Variants in SIPA1L1 observed in about 807,000 individuals in gnomAD.
SIPA1L1 encodes signal induced proliferation associated 1 like 1, also known as signal-induced proliferation-associated 1-like protein 1.
A neutral mutation model predicts 162.7 loss-of-function variants in SIPA1L1; 26 were observed. The ratio of observed to expected loss-of-function variants is 0.16; its 90% confidence interval spans 0.12 to 0.22. SIPA1L1 has a LOEUF of 0.22. SIPA1L1 is among the 10% of genes least tolerant of loss of function. SIPA1L1 has a pLI of 1.00. For synonymous variants in SIPA1L1, 829 were observed against 837.4 expected, an observed-to-expected ratio of 0.99 and a Z score of 0.17; for missense variants, 1,874 against 2,241.0, an observed-to-expected ratio of 0.84 and a Z score of 3.31.
At chr14:71,330,054 G>T (rs1431565786) in intron 2 of SIPA1L1, among the ~76,000 whole-genome samples, 1 of 152,104 alleles carries the variant, frequency 6.6e-6, no homozygotes, top group Non-Finnish European at 1.5e-5. Context: ...AGGTGGAAAG[G>T]ACTAGTACAT....
chr14:71,638,252 A>G (rs2041361356), intron 7 of SIPA1L1, among the ~76,000 whole-genome samples: 1 of 152,104 alleles, frequency 6.6e-6, no homozygotes, highest in African/African-American at 2.4e-5. Context: ...AAAGAAAACT[A>G]CTGACCACAT....
chr14:71,592,113 A>G (rs1320673118), intron 5 of SIPA1L1, among the ~76,000 whole-genome samples: 2 of 152,188 alleles, frequency 1.3e-5, no homozygotes, highest in East Asian at 3.8e-4. Context: ...GCCATTGGGT[A>G]TTTGTCAGCA....
At chr14:71,618,586 G>A (rs1332766402) in intron 5 of SIPA1L1, among the ~76,000 whole-genome samples, 171 bp from the exon 6 acceptor site, 1 of 152,212 alleles carries the variant, frequency 6.6e-6, no homozygotes. Context: ...AACTAAACCT[G>A]TGTAGCCAAG....
chr14:71,444,297 C>T (rs997122554), intron 2 of SIPA1L1, among the ~76,000 whole-genome samples: 3 of 152,180 alleles, frequency 2.0e-5, no homozygotes, highest in Non-Finnish European at 4.4e-5. Context: ...TCTCTGTGAA[C>T]ACAAAGAATG....
chr14:71,489,273 G>A (rs2049032072), intron 2 of SIPA1L1, among the ~76,000 whole-genome samples: 1 of 152,198 alleles, frequency 6.6e-6, no homozygotes. Flanking sequence ...TTTAGACTCT[G>A]AAAGGCAGTA....
At chr14:71,561,310 G>A (rs1241690779) in intron 4 of SIPA1L1, among the ~76,000 whole-genome samples, 1 of 152,068 alleles carries the variant, frequency 6.6e-6, no homozygotes, top group Non-Finnish European at 1.5e-5. Flanking sequence ...CATTAGCAAT[G>A]CTATAATTCC....
intron 7 of SIPA1L1, among the ~76,000 whole-genome samples, chr14:71,649,830 G>T (rs2042473758): frequency 1.3e-5 from 2 of 152,056 alleles, no homozygotes; most frequent in South Asian, 2.1e-4. Flanking sequence ...TGGGAAAAGG[G>T]TATTGGGAGA....
intron 7 of SIPA1L1, among the ~76,000 whole-genome samples, chr14:71,644,965 A>T (rs886093565): frequency 3.3e-5 from 5 of 152,238 alleles, no homozygotes; most frequent in African/African-American, 4.8e-5. Context: ...AAAACAACAT[A>T]GATTTGTTAT....
intron 13 of SIPA1L1, among the ~76,000 whole-genome samples, chr14:71,694,283 C>T (rs547575437): frequency 5.3e-5 from 8 of 152,034 alleles, no homozygotes; most frequent in South Asian, 4.1e-4. Context: ...GCCTGGTGTG[C>T]GACTGCTTCT....
chr14:71,571,193 C>T (rs1032329946), intron 4 of SIPA1L1, among the ~76,000 whole-genome samples: 6 of 151,976 alleles, frequency 3.9e-5, no homozygotes, highest in East Asian at 3.9e-4. Context: ...GGTTGGAAAA[C>T]GATGTTTTAA....
intron 2 of SIPA1L1, chr14:71,497,763 A>G (rs2049904195): frequency 6.6e-6 from 1 of 152,182 alleles, no homozygotes; most frequent in Non-Finnish European, 1.5e-5. Flanking sequence ...AGGACACTTG[A>G]GTTGTTGCCA....
intron 17 of SIPA1L1, among the ~76,000 whole-genome samples, chr14:71,719,239 A>G (rs1198777214): frequency 3.9e-5 from 6 of 152,282 alleles, no homozygotes; most frequent in African/African-American, 1.4e-4. Context: ...GCACCCAGCC[A>G]ATATTAAGAA....
chr14:71,661,610 G>T, intron 10 of SIPA1L1, 143 bp downstream of exon 10: 1 of 816,206 alleles, frequency 1.2e-6, no homozygotes, highest in African/African-American at 1.7e-5. Flanking sequence ...GCGGATGGCT[G>T]AATTCACATG....
intron 2 of SIPA1L1, among the ~76,000 whole-genome samples, chr14:71,371,083 C>T (rs1566941532): frequency 2.0e-5 from 3 of 152,076 alleles, no homozygotes; most frequent in Non-Finnish European, 2.9e-5. Context: ...TATTAAATAA[C>T]AGGATGACCT....
intron 18 of SIPA1L1, 95 bp downstream of exon 18, chr14:71,723,981 G>T: frequency 6.8e-7 from 1 of 1,462,608 alleles, no homozygotes. Flanking sequence ...AAAGAGGCCG[G>T]GCTAGGGGGT....
In SIPA1L1 at chr14:71,500,993, C is replaced by T. The variant is rs1030297321; in HGVS notation, c.-464-11750C>T. On this transcript the variant is annotated intron_variant, in intron 2 of 23. Coordinates refer to ENST00000381232, the MANE Select transcript of SIPA1L1 (RefSeq NM_001386936.1). ...TGCACTCCATCCTGGGCAACAAGAG[C>T]GAAACTCCGCCTCCAAAAACAAAAC... is the stretch of plus-strand genomic sequence containing the variant. Among the ~76,000 whole-genome samples the T allele has an allele frequency of 5.9e-5, 9 of 151,830 alleles. No homozygotes were observed. The South Asian group carries it at 1.2e-3, about 21-fold the overall frequency.
intron 2 of SIPA1L1, among the ~76,000 whole-genome samples, chr14:71,402,580 C>T (rs1283926304): frequency 4.6e-5 from 7 of 152,064 alleles, no homozygotes; most frequent in African/African-American, 1.5e-4. Context: ...AATTCTTGGC[C>T]TTATGTGATC....
chr14:71,509,946 T>G (rs1206262251), intron 2 of SIPA1L1, among the ~76,000 whole-genome samples: 1 of 152,072 alleles, frequency 6.6e-6, no homozygotes, highest in East Asian at 1.9e-4. Flanking sequence ...TGGGTTTTTT[T>G]GGAAACACTG....
At chr14:71,642,545 A>G (rs182426778) in intron 7 of SIPA1L1, among the ~76,000 whole-genome samples, 6 of 152,344 alleles carry the variant, frequency 3.9e-5, no homozygotes, top group Non-Finnish European at 5.9e-5. Flanking sequence ...GTTTAAAAGC[A>G]AGAACTACAA....
Sources: gnomAD v4.1 joint callset for allele counts (sites outside exome capture counted in the v4.1 genomes callset) on GRCh38, gnomAD v4.1.1 for gene constraint, MANE v1.5 for transcripts, NCBI Gene and HGNC (gene_info 2026-07-23, HGNC 2026-07-21) for gene names.